The following SBNO2 variants were observed in gnomAD, a reference collection of about 807,000 sequenced individuals.
The protein encoded by SBNO2 is strawberry notch homolog 2.
SBNO2 carries 89 observed loss-of-function variants against 146.3 expected under a neutral mutation model. That is an observed-to-expected ratio of 0.61 (90% confidence interval 0.51 to 0.73). The LOEUF (loss-of-function observed/expected upper bound fraction) is 0.73, where lower values mean the gene tolerates loss of function less well. Among genes scored for constraint, SBNO2 ranks in the 30% least tolerant of loss-of-function variants. SBNO2 has a pLI of 0.00. For synonymous variants in SBNO2, 1,147 were observed against 892.6 expected (o/e 1.29, Z -5.08); for missense variants, 2,092 against 2,003.7 (o/e 1.04, Z -0.84).
At chr19:1,161,795 C>T (rs1190733267) in intron 1 of SBNO2, among the ~76,000 whole-genome samples, 1 of 151,618 alleles carries the variant, frequency 6.6e-6, no homozygotes, top group Non-Finnish European at 1.5e-5. Flanking sequence ...CCCGGAGCCT[C>T]CCTGACGCAG....
intron 12 of SBNO2, 96 bp from the exon 13 acceptor site, chr19:1,119,717 G>A (rs2079877208): frequency 2.6e-6 from 3 of 1,149,344 alleles, no homozygotes; most frequent in African/African-American, 1.5e-5. Context: ...GAGGGGCCCT[G>A]CGGGGTTGGA....
In SBNO2 at chr19:1,119,024, C is replaced by T. The variant is rs774403388; in HGVS notation, c.1514G>A (p.Arg505His). 31 of 1,597,000 alleles carry T rather than the reference C, an allele frequency of 1.9e-5. No homozygotes were observed. Among genetic ancestry groups the T allele is most frequent in the South Asian group, 1.2e-4 (11 of 89,920 alleles). Residue 505 changes from arginine to histidine, a missense_variant, in exon 14 of 32, where the codon CGC (arginine) becomes CAC (histidine). Transcript: ENST00000361757. ...LAPAFECVYN[R>H]AALLWAEALN... ...GCGCAGGCTCACCAGCAGGGCCGCG[C>T]GGTTGTAGACGCACTCGAAGGCTGG...
chr19:1,157,188 T>C lies in SBNO2; in HGVS notation c.-126-2786A>G, dbSNP rs1749958646. ...CTGAGCCCTCCGGACCCTTCCCCCATTGACTCCGCCGCCGTTTCTTGCAGC... is the reference window on the plus strand; with the variant it reads ...CTGAGCCCTCCGGACCCTTCCCCCACTGACTCCGCCGCCGTTTCTTGCAGC... On this transcript the variant is annotated intron_variant, in intron 1 of 31. Coordinates refer to ENST00000361757, the MANE Select transcript of SBNO2 (RefSeq NM_014963.3). The surrounding 1 kb of genome is among the most constrained non-coding windows in gnomAD (Gnocchi z 6.8). 1.3e-5 allele frequency among the ~76,000 whole-genome samples: 2 copies of C among 151,870 alleles called. No individual in the cohort carries two copies. Among genetic ancestry groups the C allele is most frequent in the African/African-American group, 4.8e-5 (2 of 41,374 alleles).
rs987838470 is a variant in SBNO2, at chr19:1,123,084, G to A, written c.629-39C>T. 5 of 1,577,628 alleles carry A rather than the reference G, an allele frequency of 3.2e-6. No individual in the cohort carries two copies. In the African/African-American group the frequency reaches 6.7e-5, roughly 21 times the overall value. ...GACGGAGGGCAAGGTAAAGGGTATG[G>A]CCAAGGGGTGACCAGGGCCGGTTAT... On this transcript the variant is annotated intron_variant, in intron 7 of 31. Transcript: ENST00000361757.
At chr19:1,159,110 G>A (rs899228746) in intron 1 of SBNO2, among the ~76,000 whole-genome samples, 4 of 152,162 alleles carry the variant, frequency 2.6e-5, no homozygotes, top group East Asian at 1.9e-4. Flanking sequence ...TATGACCACC[G>A]CACACTGGCC....
Position 1,111,517 on chromosome 19 carries a change from G to C in SBNO2, c.2798C>G (p.Thr933Ser), listed in dbSNP as rs1227305432. The C allele has an allele frequency of 5.1e-6, 8 of 1,579,280 alleles. No individual in the cohort carries two copies. The highest frequency in any genetic ancestry group is 6.9e-6 in the Non-Finnish European group (8 of 1,162,836). Residue 933 changes from threonine to serine, a missense_variant, in exon 24 of 32, where the codon ACC (threonine) becomes AGC (serine). Transcript: ENST00000361757. ...VPQGYPGGVP[T>S]FFRDMKQGLL... ...CCAGCCCAGCTTACCCCGGAAGAAGGTGGGGACCCCTCCAGGGTATCCCTG... is the reference window on the plus strand; with the variant it reads ...CCAGCCCAGCTTACCCCGGAAGAAGCTGGGGACCCCTCCAGGGTATCCCTG...
chr19:1,113,447 G>A, intron 19 of SBNO2, 88 bp downstream of exon 19: 2 of 1,177,294 alleles, frequency 1.7e-6, no homozygotes, highest in Non-Finnish European at 2.3e-6. Context: ...GACCAGCAGG[G>A]GCCACCAGAG....
At position 1,122,139 on chromosome 19, in the gene SBNO2, G is replaced by A. The variant is rs751819625; in HGVS notation, c.1149C>T (p.Val383=). ...LDWCGEAFEG[V]IVFDECHKAK... ...CTCCCGATTGCCCCCAGCAGGATACGACGCCCTCGAAGGCCTCCCCACACC... is the reference window on the plus strand; with the variant it reads ...CTCCCGATTGCCCCCAGCAGGATACAACGCCCTCGAAGGCCTCCCCACACC... Residue 383 remains valine (V), a splice_region_variant and synonymous_variant, in exon 11 of 32, where the codon GTC becomes GTT. Transcript: ENST00000361757. 7.2e-6 allele frequency: 10 copies of A among 1,395,908 alleles called. No individual in the cohort carries two copies. The highest frequency in any genetic ancestry group is 5.7e-5 in the East Asian group (2 of 35,018). The allele number at this position is 1,395,908 out of a possible 1,614,324, so 86.5% of individuals were successfully genotyped here.
chr19:1,133,871 C>A (rs966492049), intron 4 of SBNO2, among the ~76,000 whole-genome samples: 14 of 152,238 alleles, frequency 9.2e-5, no homozygotes, highest in African/African-American at 3.4e-4. Flanking sequence ...GCTGAGGACG[C>A]GGGGCAGTGG....
At chr19:1,132,274 C>G in intron 4 of SBNO2, 1 of 1,312,138 alleles carries the variant, frequency 7.6e-7, no homozygotes. Flanking sequence ...ATTTGCATGT[C>G]GGTTTAGTCA....
intron 17 of SBNO2, chr19:1,115,626 C>T (rs1212532692): frequency 3.5e-6 from 1 of 281,814 alleles, no homozygotes; most frequent in Admixed American, 5.1e-5. Context: ...GGGGAGGCCA[C>T]ACACCAGACT....
At position 1,145,365 on chromosome 19, in the gene SBNO2, C is replaced by T. The variant is rs180812786; in HGVS notation, c.279+1944G>A. On this transcript the variant is annotated intron_variant, in intron 4 of 31. Coordinates refer to ENST00000361757, the MANE Select transcript of SBNO2 (RefSeq NM_014963.3). ...GTGCATGCCTGTGGTCTCAGCTGCT[C>T]GGGAGGCTGAGGCAGGAAAATCGCT... is the stretch of plus-strand genomic sequence containing the variant. Among the ~76,000 whole-genome samples, 13 of 148,842 alleles carry T rather than the reference C, an allele frequency of 8.7e-5. No homozygotes were observed. The East Asian group carries it at 2.4e-3, about 27-fold the overall frequency.
intron 4 of SBNO2, among the ~76,000 whole-genome samples, chr19:1,129,877 G>A (rs1165844285): frequency 6.6e-6 from 1 of 152,178 alleles, no homozygotes; most frequent in African/African-American, 2.4e-5. Flanking sequence ...ACAGAGGGAA[G>A]GGACCTCAGG....
rs2079793169 is a variant in SBNO2 at position 1,113,512 on chromosome 19, T to G, written c.2247+23A>C. On this transcript the variant is annotated intron_variant, in intron 19 of 31. Coordinates refer to ENST00000361757, the MANE Select transcript of SBNO2 (RefSeq NM_014963.3). ...ACTGCCCATGCCCCGCCCACCACAC[T>G]CCAGCTGCCACGTCCCACCCACCTC... 3.9e-6 allele frequency: 6 copies of G among 1,536,906 alleles called. No homozygotes were observed. In the East Asian group the frequency reaches 7.3e-5, roughly 19 times the overall value.
At chr19:1,130,290 ACT>A (rs2080013713) in intron 4 of SBNO2, among the ~76,000 whole-genome samples, 2 of 151,894 alleles carry the variant, frequency 1.3e-5, no homozygotes. Flanking sequence ...GTGCACGGGG[ACT>A]CTCTGCACTG....
chr19:1,119,623 T>C lies in SBNO2; in HGVS notation c.1268-2A>G. 6.2e-7 allele frequency: 1 copy of C among 1,603,954 alleles called. No individual in the cohort carries two copies. Among genetic ancestry groups the C allele is most frequent in the Non-Finnish European group, 8.5e-7 (1 of 1,175,474 alleles). On this transcript the variant is annotated splice_acceptor_variant, in intron 12 of 31. Coordinates refer to ENST00000361757, the MANE Select transcript of SBNO2 (RefSeq NM_014963.3). LOFTEE classifies it high-confidence loss of function. ...TCATGTTCCGAGGCTCAGAGGCACC[T>C]GTGGGGGGAAGCTGCCGTCAGCTCC... is the stretch of plus-strand genomic sequence containing the variant.
rs552293879 is a variant in SBNO2, at chr19:1,139,446, C to T, written c.279+7863G>A. 3.9e-5 allele frequency among the ~76,000 whole-genome samples: 6 copies of T among 152,146 alleles called. No homozygotes were observed. The South Asian group carries it at 1.2e-3, about 32-fold the overall frequency. ...ACAGCTCTGGACTTTGTAACAGCCACAGCATCGTTCACTTAGAAATGGGGA... is the reference window on the plus strand; with the variant it reads ...ACAGCTCTGGACTTTGTAACAGCCATAGCATCGTTCACTTAGAAATGGGGA... On this transcript the variant is annotated intron_variant, in intron 4 of 31. Coordinates refer to ENST00000361757, the MANE Select transcript of SBNO2 (RefSeq NM_014963.3).
At chr19:1,160,378 C>G (rs955522833) in intron 1 of SBNO2, among the ~76,000 whole-genome samples, 3 of 152,230 alleles carry the variant, frequency 2.0e-5, no homozygotes, top group African/African-American at 7.2e-5. Flanking sequence ...CTCGGGGGGT[C>G]TGCGGGGCGG....
intron 4 of SBNO2, among the ~76,000 whole-genome samples, chr19:1,139,898 T>G (rs576064512): frequency 2.6e-4 from 39 of 152,104 alleles, no homozygotes; most frequent in African/African-American, 8.7e-4. Context: ...TGAGCCGAGA[T>G]AGATCACACC....
Sources: allele counts gnomAD v4.1 joint callset (sites outside exome capture counted in the v4.1 genomes callset), GRCh38; gene constraint gnomAD v4.1.1; non-coding constraint Gnocchi (gnomAD v3.1); transcripts MANE v1.5; gene names NCBI Gene and HGNC (gene_info 2026-07-23, HGNC 2026-07-21).